Variants in OIP5 observed in about 807,000 individuals in gnomAD.
OIP5 encodes the protein Opa interacting protein 5.
OIP5 carries 24 observed loss-of-function variants against 20.3 expected under a neutral mutation model. That is an observed-to-expected ratio of 1.18 (90% CI 0.86 to 1.66). The LOEUF is 1.66. Among genes scored for constraint, OIP5 ranks in the 40% most tolerant of loss-of-function variants. OIP5 has a pLI of 0.00. For synonymous variants in OIP5, 143 were observed against 121.3 expected (o/e 1.18, Z -1.17); for missense variants, 339 against 289.5 (o/e 1.17, Z -1.24).
intron 2 of OIP5, among the ~76,000 whole-genome samples, chr15:41,326,603 T>G (rs1255434714): frequency 6.6e-6 from 1 of 152,138 alleles, no homozygotes; most frequent in Admixed American, 6.5e-5. Flanking sequence ...AATTTTGTCT[T>G]TTACTAGACA....
intron 2 of OIP5, among the ~76,000 whole-genome samples, chr15:41,324,727 G>A (rs555062267): frequency 6.6e-6 from 1 of 151,898 alleles, no homozygotes; most frequent in South Asian, 2.1e-4. Context: ...GACCTCATGT[G>A]ATCCACCCGC....
At chr15:41,317,441 G>C (rs571305408) in intron 3 of OIP5, among the ~76,000 whole-genome samples, 1 of 150,472 alleles carries the variant, frequency 6.6e-6, no homozygotes, top group Non-Finnish European at 1.5e-5. Flanking sequence ...GTGCAGTGGC[G>C]CGATCTTGGT....
At chr15:41,319,284 G>A (rs1421280888) in intron 3 of OIP5, among the ~76,000 whole-genome samples, 2 of 150,998 alleles carry the variant, frequency 1.3e-5, no homozygotes, top group Non-Finnish European at 2.9e-5. Context: ...ATGTCTCCCA[G>A]GCTGGAGTGC....
At chr15:41,327,336 C>T (rs570359643) in intron 2 of OIP5, among the ~76,000 whole-genome samples, 1 of 151,860 alleles carries the variant, frequency 6.6e-6, no homozygotes, top group Non-Finnish European at 1.5e-5. Flanking sequence ...CGCCCACCAC[C>T]ACGCCCAGCA....
intron 2 of OIP5, among the ~76,000 whole-genome samples, chr15:41,331,024 G>A (rs569663510): frequency 1.6e-4 from 25 of 152,288 alleles, no homozygotes; most frequent in African/African-American, 6.0e-4. Context: ...AAGAAAGGGA[G>A]CTGTGGGTCT....
chr15:41,309,839 T>C lies in OIP5; in HGVS notation c.605A>G (p.Lys202Arg), dbSNP rs1373098942. The part of the protein sequence containing the change: ...LSEKIAELKE[K>R]IVLTHNRLKS... ...TAAGCGATTGTGCGTTAGCACTATCTTCTCTTTCAGCTAGGAAGAGAAATA... is the reference window on the plus strand; with the variant it reads ...TAAGCGATTGTGCGTTAGCACTATCCTCTCTTTCAGCTAGGAAGAGAAATA... The change falls in exon 5 of 5, where the codon AAG becomes AGG. Residue 202 changes from lysine to arginine, a missense_variant. Coordinates refer to ENST00000220514, the MANE Select transcript of OIP5 (RefSeq NM_007280.2). 11 of 1,609,934 alleles carry C rather than the reference T, an allele frequency of 6.8e-6. No homozygotes were observed. The Admixed American group carries it at 1.8e-4, about 27-fold the overall frequency.
At position 41,332,140 on chromosome 15, in the gene OIP5, C is replaced by A. The variant is rs2047930343; in HGVS notation, c.322+100G>T. On this transcript the variant is annotated intron_variant, in intron 1 of 4. Transcript: ENST00000220514. Reference sequence around the variant, plus strand: ...AGTTATTTGCTTCCAACTTTTCATCCCGTTTTCTTCCCCAGGTGGTTCTCC... The same window carrying A: ...AGTTATTTGCTTCCAACTTTTCATCACGTTTTCTTCCCCAGGTGGTTCTCC... 7 of 1,402,108 alleles carry A rather than the reference C, an allele frequency of 5.0e-6. No homozygotes were observed. In the African/African-American group the frequency reaches 8.6e-5, roughly 17 times the overall value. 86.9% of individuals were successfully genotyped at this position (1,402,108 alleles called of 1,614,324 possible). A position where few individuals can be genotyped will look rare whatever the true frequency, so the allele number is the denominator to read the frequency against.
rs560529830 is a variant in OIP5 at position 41,332,452 on chromosome 15, A to T, written c.110T>A (p.Met37Lys). The change falls in exon 1 of 5, where the codon ATG (methionine) becomes AAG (lysine). Residue 37 changes from methionine (M) to lysine (K), a missense_variant. Transcript: ENST00000220514. ...CTTCACCACCTGCGTATCCCACTCC[A>T]TGGAGGTCGTAAAAGAAGCTTGGTC... ...AIDQASFTTS[M>K]EWDTQVVKGS... 1 of 1,613,986 alleles carries T rather than the reference A, an allele frequency of 6.2e-7. No homozygotes were observed. Among genetic ancestry groups the T allele is most frequent in the Non-Finnish European group, 8.5e-7 (1 of 1,179,896 alleles).
chr15:41,318,236 C>CA (rs1185073934), intron 3 of OIP5, among the ~76,000 whole-genome samples: 1 of 152,152 alleles, frequency 6.6e-6, no homozygotes, highest in East Asian at 1.9e-4. Flanking sequence ...GATCTTGGCT[C>CA]ACTGCAACCT....
At chr15:41,324,651 G>A (rs1001283392) in intron 2 of OIP5, among the ~76,000 whole-genome samples, 11 of 151,968 alleles carry the variant, frequency 7.2e-5, no homozygotes, top group East Asian at 3.9e-4. Context: ...CACCATGCCC[G>A]GCTAATTTTG....
intron 4 of OIP5, 109 bp downstream of exon 4, chr15:41,313,164 A>G: frequency 1.4e-6 from 1 of 715,264 alleles, no homozygotes. Flanking sequence ...AAATCAAGTA[A>G]AAAGGATTAT....
At chr15:41,323,694 C>T (rs993211068) in intron 2 of OIP5, among the ~76,000 whole-genome samples, 2 of 147,682 alleles carry the variant, frequency 1.4e-5, no homozygotes, top group Admixed American at 1.4e-4. Context: ...TGGTCTTGAA[C>T]TCCTGTGCTC....
intron 2 of OIP5, among the ~76,000 whole-genome samples, chr15:41,329,946 C>T (rs1461373788): frequency 1.3e-5 from 2 of 152,172 alleles, no homozygotes; most frequent in East Asian, 1.9e-4. Context: ...ATCCATCCGC[C>T]TTGGCCTCCC....
chr15:41,329,523 C>A (rs1426562266), intron 2 of OIP5, among the ~76,000 whole-genome samples: 1 of 151,740 alleles, frequency 6.6e-6, no homozygotes, highest in Non-Finnish European at 1.5e-5. Flanking sequence ...ACCATACTGG[C>A]CAGGCTGGTC....
intron 2 of OIP5, among the ~76,000 whole-genome samples, chr15:41,326,033 A>G (rs1197121210): frequency 4.8e-5 from 7 of 145,714 alleles, no homozygotes; most frequent in African/African-American, 1.8e-4. Flanking sequence ...GTGGTAGGGC[A>G]CACCTGTCAT....
Position 41,331,955 on chromosome 15 carries a change from C to A in OIP5, c.349G>T (p.Ala117Ser). The A allele has an allele frequency of 6.2e-7, 1 of 1,614,054 alleles. No individual in the cohort carries two copies. Among genetic ancestry groups the A allele is most frequent in the Non-Finnish European group, 8.5e-7 (1 of 1,180,000 alleles). The change falls in exon 2 of 5, where the codon GCG becomes TCG. Residue 117 changes from alanine to serine, a missense_variant. Coordinates refer to ENST00000220514, the MANE Select transcript of OIP5 (RefSeq NM_007280.2). ...CCTTCAATGCCAACTAGGAAGGGCG[C>A]TTCCAAAACGACGTTATTTGTAACT... ...SRVTNNVVLE[A>S]PFLVGIEGSL...
At chr15:41,319,285 G>T (rs918049816) in intron 3 of OIP5, among the ~76,000 whole-genome samples, 2 of 151,282 alleles carry the variant, frequency 1.3e-5, no homozygotes, top group East Asian at 3.9e-4. Context: ...TGTCTCCCAG[G>T]CTGGAGTGCA....
At chr15:41,328,833 G>A (rs1401322263) in intron 2 of OIP5, among the ~76,000 whole-genome samples, 2 of 152,118 alleles carry the variant, frequency 1.3e-5, no homozygotes, top group South Asian at 2.1e-4. Context: ...GCTGAGGCAG[G>A]TGGATCACAA....
intron 3 of OIP5, among the ~76,000 whole-genome samples, chr15:41,313,892 T>C (rs914045736): frequency 6.6e-6 from 1 of 151,948 alleles, no homozygotes; most frequent in Non-Finnish European, 1.5e-5. Flanking sequence ...GAAAAACAAA[T>C]TCAAAAATAA....
Sources: allele counts gnomAD v4.1 joint callset (sites outside exome capture counted in the v4.1 genomes callset), GRCh38; gene constraint gnomAD v4.1.1; transcripts MANE v1.5; gene names NCBI Gene and HGNC (gene_info 2026-07-23, HGNC 2026-07-21).